NFIA: variants seen among roughly 807,000 people sequenced by gnomAD.
NFIA encodes nuclear factor I A, also known as nuclear factor 1 A-type.
NFIA carries 8 observed loss-of-function variants against 62.8 expected under a neutral mutation model. That is an observed-to-expected ratio of 0.13 (90% confidence interval 0.07 to 0.23). The LOEUF (loss-of-function observed/expected upper bound fraction) is 0.23, where lower values mean the gene tolerates loss of function less well. Ranked by LOEUF, NFIA falls within the 10% of genes least tolerant of loss-of-function variation. NFIA has a pLI of 1.00. For synonymous variants in NFIA, 235 were observed against 238.1 expected, an observed-to-expected ratio of 0.99 and a Z score of 0.12; for missense variants, 410 against 642.1, an observed-to-expected ratio of 0.64 and a Z score of 3.91.
chr1:61,263,890 T>G (rs963083646), intron 2 of NFIA, among the ~76,000 whole-genome samples: 1 of 151,974 alleles, frequency 6.6e-6, no homozygotes, highest in African/African-American at 2.4e-5. Flanking sequence ...CTCACGAGGC[T>G]GAGGCAGGAG....
intron 2 of NFIA, among the ~76,000 whole-genome samples, chr1:61,152,641 C>CT (rs918855172): frequency 6.6e-5 from 10 of 152,010 alleles, no homozygotes; most frequent in Admixed American, 2.0e-4. Flanking sequence ...GATCTAAGGC[C>CT]TTTTTTTTCT....
At chr1:61,215,473 A>T (rs2100609197) in intron 2 of NFIA, among the ~76,000 whole-genome samples, 1 of 152,198 alleles carries the variant, frequency 6.6e-6, no homozygotes, top group East Asian at 1.9e-4. Context: ...TTAAAAAAAA[A>T]AAGTAAAAGA....
At chr1:61,138,470 T>C (rs1647261624) in intron 2 of NFIA, among the ~76,000 whole-genome samples, 1 of 152,174 alleles carries the variant, frequency 6.6e-6, no homozygotes, top group African/African-American at 2.4e-5. Flanking sequence ...CCACCACCCT[T>C]AGAGGTAGAA....
intron 4 of NFIA, among the ~76,000 whole-genome samples, chr1:61,336,676 T>A (rs1661625561): frequency 6.6e-6 from 1 of 152,154 alleles, no homozygotes; most frequent in Non-Finnish European, 1.5e-5. Context: ...ATTCATTACC[T>A]CCCACTCCCC....
intron 10 of NFIA, among the ~76,000 whole-genome samples, chr1:61,448,192 C>T (rs1050855173): frequency 2.0e-5 from 3 of 152,136 alleles, no homozygotes; most frequent in Admixed American, 6.5e-5. Flanking sequence ...ACCTCCAAGG[C>T]GTGCAGTTTA....
intron 7 of NFIA, among the ~76,000 whole-genome samples, chr1:61,398,347 A>G (rs1164019391): frequency 6.6e-6 from 1 of 152,200 alleles, no homozygotes; most frequent in Non-Finnish European, 1.5e-5. Flanking sequence ...CTAGATAAAA[A>G]TTTTAAAAGA....
intron 10 of NFIA, among the ~76,000 whole-genome samples, chr1:61,432,260 T>C (rs1667129078): frequency 6.6e-6 from 1 of 151,270 alleles, no homozygotes; most frequent in Admixed American, 6.6e-5. Flanking sequence ...TAGATCGTGT[T>C]CTAACCCATC....
At chr1:61,359,035 C>A in intron 5 of NFIA, 112 bp from the exon 6 acceptor site, 2 of 1,460,724 alleles carry the variant, frequency 1.4e-6, no homozygotes, top group Non-Finnish European at 1.9e-6. Flanking sequence ...CCTAGAACTA[C>A]ATTAAGTTGC....
At chr1:61,417,829 T>C (rs949807038) in intron 9 of NFIA, among the ~76,000 whole-genome samples, 5 of 152,202 alleles carry the variant, frequency 3.3e-5, no homozygotes, top group Non-Finnish European at 7.3e-5. Context: ...CCATCCTATT[T>C]GCAAAGCCTC....
intron 2 of NFIA, among the ~76,000 whole-genome samples, chr1:61,274,794 A>G (rs1657708701): frequency 6.6e-6 from 1 of 152,180 alleles, no homozygotes; most frequent in African/African-American, 2.4e-5. Context: ...TTAATTTATA[A>G]TTTTGGTCAT....
chr1:61,253,492 C>T (rs1169563065), intron 2 of NFIA: 2 of 152,272 alleles, frequency 1.3e-5, no homozygotes, highest in Non-Finnish European at 2.9e-5. Context: ...TGCTGTGGCT[C>T]ATGGTGAACT....
intron 7 of NFIA, among the ~76,000 whole-genome samples, chr1:61,391,585 G>T (rs946963532): frequency 6.6e-6 from 1 of 151,954 alleles, no homozygotes; most frequent in Non-Finnish European, 1.5e-5. Context: ...TACCTTGATA[G>T]ACCTTAAGAG....
At chr1:61,168,105 C>T (rs1443099512) in intron 2 of NFIA, among the ~76,000 whole-genome samples, 1 of 152,202 alleles carries the variant, frequency 6.6e-6, no homozygotes, top group South Asian at 2.1e-4. Context: ...TTTAGGTATA[C>T]ATTTTTAAGC....
chr1:61,149,697 CAA>C (rs1648265596), intron 2 of NFIA, among the ~76,000 whole-genome samples: 2 of 152,142 alleles, frequency 1.3e-5, no homozygotes, highest in Admixed American at 1.3e-4. Flanking sequence ...TGACTTTGGG[CAA>C]GTAGCTTAAC....
chr1:61,398,999 T>A (rs1386186732), intron 7 of NFIA, among the ~76,000 whole-genome samples: 1 of 152,224 alleles, frequency 6.6e-6, no homozygotes, highest in East Asian at 1.9e-4. Context: ...TGGGATTTTT[T>A]TCTTCGATTT....
At chr1:61,129,443 C>T (rs1485995651) in intron 2 of NFIA, among the ~76,000 whole-genome samples, 1 of 118,004 alleles carries the variant, frequency 8.5e-6, no homozygotes. Context: ...GTGATACTTT[C>T]TTTATTCTTT....
chr1:61,142,033 A>G (rs1647573603), intron 2 of NFIA, among the ~76,000 whole-genome samples: 1 of 152,200 alleles, frequency 6.6e-6, no homozygotes, highest in South Asian at 2.1e-4. Flanking sequence ...AACAGTTAAA[A>G]TAGAAAGAAG....
At chr1:61,197,103 C>T (rs898938868) in intron 2 of NFIA, among the ~76,000 whole-genome samples, 13 of 151,846 alleles carry the variant, frequency 8.6e-5, no homozygotes, top group South Asian at 4.1e-4. Context: ...CGGAATGCAA[C>T]GAAGAGATAA....
intron 9 of NFIA, among the ~76,000 whole-genome samples, chr1:61,425,508 T>G (rs1172786613): frequency 1.3e-5 from 2 of 152,204 alleles, no homozygotes; most frequent in African/African-American, 4.8e-5. Context: ...TAATTATTGT[T>G]AAGACATTTG....
Sources: gnomAD v4.1 joint callset for allele counts (sites outside exome capture counted in the v4.1 genomes callset) on GRCh38, gnomAD v4.1.1 for gene constraint, MANE v1.5 for transcripts, NCBI Gene and HGNC (gene_info 2026-07-23, HGNC 2026-07-21) for gene names.